Variants in CSNK1G1 observed in about 807,000 individuals in gnomAD.
CSNK1G1 encodes casein kinase 1 gamma 1, also known as casein kinase I isoform gamma-1.
A neutral mutation model predicts 59.6 loss-of-function variants in CSNK1G1; 22 were observed. The ratio of observed to expected loss-of-function variants is 0.37; its 90% CI spans 0.26 to 0.53. The LOEUF is 0.53. Among genes scored for constraint, CSNK1G1 ranks in the 20% least tolerant of loss-of-function variants. The pLI, the probability that CSNK1G1 is intolerant of heterozygous loss-of-function variation, is 0.89. For synonymous variants in CSNK1G1, 179 were observed against 177.1 expected (o/e 1.01, Z -0.08); for missense variants, 384 against 519.5 (o/e 0.74, Z 2.54).
intron 11 of CSNK1G1, among the ~76,000 whole-genome samples, chr15:64,173,247 T>C (rs1197633469): frequency 2.0e-5 from 3 of 152,230 alleles, no homozygotes; most frequent in Non-Finnish European, 4.4e-5. Flanking sequence ...GTTAGACTCT[T>C]TGGCATTCCT....
rs569037640 is a variant in CSNK1G1, at chr15:64,271,431, G to A, written c.182-12190C>T. The stretch of plus-strand genomic sequence containing the variant: ...AGCCTCTCAAGTAGCTGAGACCACA[G>A]GTGCACATCACCACACCTATTTTTT... On this transcript the variant is annotated intron_variant, in intron 2 of 11. Coordinates refer to ENST00000303052, the MANE Select transcript of CSNK1G1 (RefSeq NM_022048.5). 2.6e-5 allele frequency among the ~76,000 whole-genome samples: 4 copies of A among 151,852 alleles called. No homozygotes were observed. The East Asian group carries it at 7.7e-4, about 29-fold the overall frequency.
chr15:64,185,284 A>C (rs2081876656), intron 10 of CSNK1G1, among the ~76,000 whole-genome samples: 1 of 152,192 alleles, frequency 6.6e-6, no homozygotes. Flanking sequence ...ATTTTACTAC[A>C]TTACCTCTGG....
intron 6 of CSNK1G1, among the ~76,000 whole-genome samples, chr15:64,209,458 T>A (rs936171924): frequency 1.3e-5 from 2 of 152,196 alleles, no homozygotes; most frequent in African/African-American, 4.8e-5. Flanking sequence ...GGCAACTTTT[T>A]AAATAATGAT....
chr15:64,347,231 A>G (rs920829950), intron 1 of CSNK1G1, among the ~76,000 whole-genome samples: 5 of 152,234 alleles, frequency 3.3e-5, no homozygotes, highest in African/African-American at 1.2e-4. Flanking sequence ...TTTGGGAAAC[A>G]GTTTGACAAT....
At chr15:64,343,983 G>A (rs547961872) in intron 1 of CSNK1G1, among the ~76,000 whole-genome samples, 1 of 151,670 alleles carries the variant, frequency 6.6e-6, no homozygotes, top group South Asian at 2.1e-4. Flanking sequence ...TTTTAAACAT[G>A]GTTCTGCAAC....
At chr15:64,243,464 G>GA (rs1223581226) in intron 4 of CSNK1G1, among the ~76,000 whole-genome samples, 4 of 152,068 alleles carry the variant, frequency 2.6e-5, no homozygotes, top group African/African-American at 9.7e-5. Flanking sequence ...GGGAAAAGCT[G>GA]AATTTCTCCT....
At chr15:64,266,722 T>C (rs1893008477) in intron 2 of CSNK1G1, among the ~76,000 whole-genome samples, 1 of 152,138 alleles carries the variant, frequency 6.6e-6, no homozygotes, top group Admixed American at 6.5e-5. Context: ...CATTTACAGG[T>C]AACTGATTTT....
intron 2 of CSNK1G1, among the ~76,000 whole-genome samples, chr15:64,267,683 T>C (rs1203414551): frequency 6.6e-6 from 1 of 152,122 alleles, no homozygotes; most frequent in East Asian, 1.9e-4. Context: ...GAGAGGGAAA[T>C]TTTTATACTC....
intron 1 of CSNK1G1, chr15:64,348,381 T>C (rs903214164): frequency 1.3e-5 from 2 of 152,142 alleles, no homozygotes; most frequent in Non-Finnish European, 2.9e-5. Flanking sequence ...TAATGCAAGA[T>C]GTTAATAATA....
chr15:64,345,566 A>C (rs1384238539), intron 1 of CSNK1G1, among the ~76,000 whole-genome samples: 1 of 152,214 alleles, frequency 6.6e-6, no homozygotes, highest in Non-Finnish European at 1.5e-5. Flanking sequence ...CATTTAGCTC[A>C]TACTTCCTAA....
Position 64,165,545 on chromosome 15 carries a change from T to C in CSNK1G1, c.*6386A>G, listed in dbSNP as rs2081593439. ...AGCACTCGAAGAGAGACAGCAGTAT[T>C]TATTTTTGAAGTGACTCACAGGAGA... is the stretch of plus-strand genomic sequence containing the variant. On this transcript the variant is annotated 3_prime_UTR_variant, in exon 12 of 12. Coordinates refer to ENST00000303052, the MANE Select transcript of CSNK1G1 (RefSeq NM_022048.5). 2.0e-5 allele frequency: 3 copies of C among 152,418 alleles called. No homozygotes were observed. The highest frequency in any genetic ancestry group is 7.2e-5 in the African/African-American group (3 of 41,436). The allele number at this position is 152,418 out of a possible 1,614,324, so 9.4% of individuals were successfully genotyped here.
intron 4 of CSNK1G1, among the ~76,000 whole-genome samples, chr15:64,235,556 T>C (rs2082603629): frequency 6.6e-6 from 1 of 152,096 alleles, no homozygotes. Context: ...ATCAACAAAA[T>C]ATATGTAGCT....
intron 1 of CSNK1G1, among the ~76,000 whole-genome samples, chr15:64,355,597 G>A (rs1174998206): frequency 6.6e-6 from 1 of 152,240 alleles, no homozygotes; most frequent in Non-Finnish European, 1.5e-5. Flanking sequence ...GGGTGGGTAG[G>A]GAAAGAGGGC....
rs181035745 is a variant in CSNK1G1, at chr15:64,262,398, A to C, written c.182-3157T>G. ...GAGTCCTGACGGATGAACAGAGGAGAGAATAAAAGGCATTTTCTATTTTTA... is the reference window on the plus strand; with the variant it reads ...GAGTCCTGACGGATGAACAGAGGAGCGAATAAAAGGCATTTTCTATTTTTA... On this transcript the variant is annotated intron_variant, in intron 2 of 11. Coordinates refer to ENST00000303052, the MANE Select transcript of CSNK1G1 (RefSeq NM_022048.5). Among the ~76,000 whole-genome samples the C allele has an allele frequency of 3.3e-5, 5 of 152,370 alleles. No homozygotes were observed. The East Asian group carries it at 9.6e-4, about 29-fold the overall frequency.
At chr15:64,294,328 C>T (rs1196043918) in intron 2 of CSNK1G1, among the ~76,000 whole-genome samples, 1 of 152,082 alleles carries the variant, frequency 6.6e-6, no homozygotes, top group East Asian at 1.9e-4. Context: ...CCCACCTCGG[C>T]CTCTCAAAGG....
chr15:64,214,913 AC>A lies in CSNK1G1; in HGVS notation c.445-790del, dbSNP rs2082291322. Among the ~76,000 whole-genome samples, 2 of 152,120 alleles carry A rather than the reference AC, an allele frequency of 1.3e-5. No individual in the cohort carries two copies. The highest frequency in any genetic ancestry group is 1.3e-4 in the Admixed American group (2 of 15,270). On this transcript the variant is annotated intron_variant, in intron 5 of 11. Transcript: ENST00000303052. The surrounding 1 kb of genome is among the most constrained non-coding windows in gnomAD (Gnocchi z 4.3). Reference sequence around the variant, plus strand: ...CTCGGCCTCCCAAAATGCTAGGATTACAGGCATGAGCCACCATGCCTGGCCG... The same window carrying A: ...CTCGGCCTCCCAAAATGCTAGGATTAAGGCATGAGCCACCATGCCTGGCCG...
chr15:64,245,725 C>T (rs895665655), intron 4 of CSNK1G1, among the ~76,000 whole-genome samples: 8 of 150,566 alleles, frequency 5.3e-5, no homozygotes, highest in African/African-American at 1.7e-4. Context: ...GGCAGTATAG[C>T]GAGACCCCGG....
At chr15:64,231,154 C>T (rs940614984) in intron 4 of CSNK1G1, among the ~76,000 whole-genome samples, 73 of 150,616 alleles carry the variant, frequency 4.8e-4, no homozygotes, top group African/African-American at 1.7e-3. Flanking sequence ...TAGGGAGACC[C>T]CATGTTTACA....
At chr15:64,337,409 T>C (rs1466716395) in intron 1 of CSNK1G1, among the ~76,000 whole-genome samples, 1 of 152,174 alleles carries the variant, frequency 6.6e-6, no homozygotes, top group East Asian at 1.9e-4. Flanking sequence ...AATGCAGTCG[T>C]ACCATGATAG....
Sources: allele counts gnomAD v4.1 joint callset (sites outside exome capture counted in the v4.1 genomes callset), GRCh38; gene constraint gnomAD v4.1.1; non-coding constraint Gnocchi (gnomAD v3.1); transcripts MANE v1.5; gene names NCBI Gene and HGNC (gene_info 2026-07-23, HGNC 2026-07-21).